MEF2C: variants seen among roughly 807,000 people sequenced by gnomAD.
The protein encoded by MEF2C is myocyte-specific enhancer factor 2C.
MEF2C carries 6 observed loss-of-function variants against 50.5 expected under a neutral mutation model. The observed-to-expected ratio is 0.12, with a 90% CI of 0.07 to 0.23. The LOEUF (loss-of-function observed/expected upper bound fraction) is 0.23. MEF2C is among the 10% of genes least tolerant of loss of function. The pLI, the probability that MEF2C is intolerant of heterozygous loss-of-function variation, is 1.00. For synonymous variants in MEF2C, 183 were observed against 228.0 expected (o/e 0.80, Z 1.78); for missense variants, 276 against 605.0 (o/e 0.46, Z 5.70).
chr5:88,792,585 C>G (rs1219222637), intron 3 of MEF2C, among the ~76,000 whole-genome samples: 2 of 152,158 alleles, frequency 1.3e-5, no homozygotes, highest in Non-Finnish European at 2.9e-5. Context: ...CCAGTGCTGT[C>G]TCATAGAGCT....
chr5:88,793,891 G>T (rs946867405), intron 3 of MEF2C, among the ~76,000 whole-genome samples: 19 of 152,002 alleles, frequency 1.2e-4, no homozygotes, highest in African/African-American at 4.3e-4. Context: ...GAGCACATGT[G>T]GTGTTTGGTT....
chr5:88,763,936 G>A (rs1436994400), intron 3 of MEF2C, among the ~76,000 whole-genome samples: 2 of 152,182 alleles, frequency 1.3e-5, no homozygotes, highest in Non-Finnish European at 2.9e-5. Context: ...ACAGGCATGA[G>A]CCATGGCACC....
At chr5:88,793,271 CAG>C (rs1562064859) in intron 3 of MEF2C, among the ~76,000 whole-genome samples, 1 of 152,082 alleles carries the variant, frequency 6.6e-6, no homozygotes, top group African/African-American at 2.4e-5. Flanking sequence ...TAAGACAAAA[CAG>C]AGCTTGGAGA....
At chr5:88,853,766 C>T (rs1822254524) in intron 1 of MEF2C, among the ~76,000 whole-genome samples, 1 of 152,132 alleles carries the variant, frequency 6.6e-6, no homozygotes, top group Non-Finnish European at 1.5e-5. Flanking sequence ...CAGATATTTA[C>T]AGGAATAAGC....
intron 3 of MEF2C, among the ~76,000 whole-genome samples, chr5:88,776,705 C>T (rs895749311): frequency 6.6e-6 from 1 of 152,112 alleles, no homozygotes; most frequent in Non-Finnish European, 1.5e-5. Context: ...ATTTGAAGAT[C>T]GTGTGAAAGA....
chr5:88,783,102 T>C (rs1469393414), intron 3 of MEF2C, among the ~76,000 whole-genome samples: 1 of 152,184 alleles, frequency 6.6e-6, no homozygotes, highest in African/African-American at 2.4e-5. Flanking sequence ...TAAAAAGGAC[T>C]ACCAATCATG....
intron 1 of MEF2C, among the ~76,000 whole-genome samples, chr5:88,865,086 T>C (rs1472545316): frequency 6.6e-6 from 1 of 152,040 alleles, no homozygotes; most frequent in Non-Finnish European, 1.5e-5. Flanking sequence ...ATTTGGAGAC[T>C]GGATCTCACT....
At chr5:88,759,550 C>A (rs1475106185) in intron 4 of MEF2C, among the ~76,000 whole-genome samples, 2 of 151,936 alleles carry the variant, frequency 1.3e-5, no homozygotes, top group South Asian at 2.1e-4. Context: ...TTCTTCTAGG[C>A]AAAATAAAAT....
chr5:88,903,719 TA>T (rs979366701), intron 1 of MEF2C, among the ~76,000 whole-genome samples: 11 of 147,836 alleles, frequency 7.4e-5, no homozygotes, highest in South Asian at 6.4e-4. Context: ...GTTTTAAACC[TA>T]AAAAAAAAAC....
At chr5:88,746,384 G>T in intron 6 of MEF2C, 2 of 400,654 alleles carry the variant, frequency 5.0e-6, no homozygotes, top group Non-Finnish European at 6.8e-6. Context: ...GTATTTATAG[G>T]CACAAAATAA....
intron 1 of MEF2C, among the ~76,000 whole-genome samples, chr5:88,842,499 T>C (rs1253164844): frequency 2.7e-5 from 4 of 150,112 alleles, no homozygotes; most frequent in Non-Finnish European, 4.4e-5. Context: ...TAATAAAAGA[T>C]AGTGGATTAG....
chr5:88,766,747 A>T (rs906179554), intron 3 of MEF2C: 4 of 985,284 alleles, frequency 4.1e-6, no homozygotes, highest in Middle Eastern at 5.2e-4. Context: ...AGGTAGTGTG[A>T]TCTTTACTTC....
chr5:88,879,766 GA>G (rs1275251730), intron 1 of MEF2C, among the ~76,000 whole-genome samples: 1 of 152,116 alleles, frequency 6.6e-6, no homozygotes, highest in East Asian at 1.9e-4. Flanking sequence ...CCTGTCATTT[GA>G]AAACTGAATT....
At chr5:88,844,965 T>A (rs971136465) in intron 1 of MEF2C, among the ~76,000 whole-genome samples, 3 of 152,242 alleles carry the variant, frequency 2.0e-5, no homozygotes, top group Admixed American at 6.5e-5. Flanking sequence ...AATAAATGTC[T>A]ATGCCTTTCT....
At chr5:88,826,634 G>A (rs1304685465) in intron 1 of MEF2C, among the ~76,000 whole-genome samples, 1 of 151,874 alleles carries the variant, frequency 6.6e-6, no homozygotes, top group East Asian at 1.9e-4. Flanking sequence ...ATATTAAAAG[G>A]TCAGTTTCAA....
intron 1 of MEF2C, among the ~76,000 whole-genome samples, chr5:88,867,423 T>C (rs561930911): frequency 6.6e-6 from 1 of 152,290 alleles, no homozygotes; most frequent in African/African-American, 2.4e-5. Context: ...TTTGGACAAG[T>C]TACTTTGTAA....
intron 3 of MEF2C, among the ~76,000 whole-genome samples, chr5:88,778,059 C>T (rs1355570946): frequency 6.6e-6 from 1 of 151,874 alleles, no homozygotes; most frequent in African/African-American, 2.4e-5. Flanking sequence ...TGCCCGCCAC[C>T]ACGCCCGGCT....
intron 8 of MEF2C, among the ~76,000 whole-genome samples, chr5:88,729,927 CAGA>C (rs563089084): frequency 1.0e-3 from 159 of 151,860 alleles, no homozygotes; most frequent in African/African-American, 3.6e-3. Flanking sequence ...CTTTAATTCC[CAGA>C]AGAAGAAATA....
chr5:88,764,824 A>AG (rs1352484917), intron 3 of MEF2C, among the ~76,000 whole-genome samples: 1 of 151,718 alleles, frequency 6.6e-6, no homozygotes, highest in Admixed American at 6.6e-5. Context: ...AAAAAAAAAA[A>AG]AAAAAAGAAG....
Sources: gnomAD v4.1 joint callset for allele counts (sites outside exome capture counted in the v4.1 genomes callset) on GRCh38, gnomAD v4.1.1 for gene constraint, MANE v1.5 for transcripts, NCBI Gene and HGNC (gene_info 2026-07-23, HGNC 2026-07-21) for gene names.